NRG3: variants seen among roughly 807,000 people sequenced by gnomAD.
NRG3 encodes neuregulin 3.
Under a neutral mutation model 66.9 loss-of-function variants are expected in NRG3, and 31 were observed. That is an observed-to-expected ratio of 0.46 (90% CI 0.35 to 0.63). NRG3 has a LOEUF of 0.63. NRG3 is among the 20% of genes least tolerant of loss of function. NRG3 has a pLI of 0.00. For synonymous variants in NRG3, 393 were observed against 359.4 expected, an observed-to-expected ratio of 1.09 and a Z score of -1.06; for missense variants, 910 against 878.9, an observed-to-expected ratio of 1.04 and a Z score of -0.45.
rs180827214 is a variant in NRG3, at chr10:82,720,559, C to T, written c.954-18018C>T. On this transcript the variant is annotated intron_variant, in intron 2 of 8. Coordinates refer to ENST00000372141, the MANE Select transcript of NRG3 (RefSeq NM_001010848.4). ...ATGCTTTTCATGTGCCCTAGAACAC[C>T]GAGGTTGATTCAACTTCAATCTCTA... Among the ~76,000 whole-genome samples, 26 of 151,880 alleles carry T rather than the reference C, an allele frequency of 1.7e-4. No individual in the cohort carries two copies. In the East Asian group the frequency reaches 1.9e-3, roughly 11 times the overall value.
At chr10:82,021,392 G>C (rs1277239002) in intron 1 of NRG3, among the ~76,000 whole-genome samples, 2 of 152,038 alleles carry the variant, frequency 1.3e-5, no homozygotes, top group African/African-American at 4.8e-5. Flanking sequence ...CAAAAAGTGG[G>C]ATTTTTACAC....
intron 1 of NRG3, among the ~76,000 whole-genome samples, chr10:81,880,645 T>A (rs1421649697): frequency 6.6e-6 from 1 of 152,182 alleles, no homozygotes; most frequent in African/African-American, 2.4e-5. Context: ...AATTCTTTCC[T>A]CATAACCTCT....
intron 1 of NRG3, among the ~76,000 whole-genome samples, chr10:82,269,437 T>G (rs1856448977): frequency 6.6e-6 from 1 of 152,262 alleles, no homozygotes; most frequent in South Asian, 2.1e-4. Flanking sequence ...TAATGCACTA[T>G]GTGGTATACA....
At chr10:82,798,569 C>G (rs2060898382) in intron 3 of NRG3, among the ~76,000 whole-genome samples, 1 of 152,060 alleles carries the variant, frequency 6.6e-6, no homozygotes, top group South Asian at 2.1e-4. Flanking sequence ...ATTAAGTTTA[C>G]AAGGAAACAC....
chr10:81,884,698 A>G (rs1016619534), intron 1 of NRG3, among the ~76,000 whole-genome samples: 1 of 152,164 alleles, frequency 6.6e-6, no homozygotes, highest in African/African-American at 2.4e-5. Context: ...CATTTTATGT[A>G]AAAGACATGG....
intron 2 of NRG3, among the ~76,000 whole-genome samples, chr10:82,377,569 T>A (rs1218238299): frequency 6.6e-6 from 1 of 152,130 alleles, no homozygotes; most frequent in Non-Finnish European, 1.5e-5. Context: ...TCCTTCCAAA[T>A]TCAAAGCCAA....
chr10:82,921,615 A>G (rs1224205547), intron 4 of NRG3, among the ~76,000 whole-genome samples: 1 of 152,204 alleles, frequency 6.6e-6, no homozygotes, highest in African/African-American at 2.4e-5. Context: ...TTTAAACACT[A>G]CAAATAGAAT....
rs117088319 is a variant in NRG3, at chr10:82,060,862, C to T, written c.823+184699C>T. On this transcript the variant is annotated intron_variant, in intron 1 of 8. Coordinates refer to ENST00000372141, the MANE Select transcript of NRG3 (RefSeq NM_001010848.4). ...GAAGCCTGGACTGGGCTGGTTGGTG[C>T]GGTTCGCTCTTTCTGACTCTGGTTG... Among the ~76,000 whole-genome samples, 927 of 152,246 alleles carry T rather than the reference C, an allele frequency of 6.1e-3. 5 individuals are homozygous for T. The highest frequency in any genetic ancestry group is 0.012 in the Admixed American group (181 of 15,302).
At chr10:82,482,816 G>A (rs1842385351) in intron 2 of NRG3, among the ~76,000 whole-genome samples, 1 of 152,150 alleles carries the variant, frequency 6.6e-6, no homozygotes, top group African/African-American at 2.4e-5. Flanking sequence ...GAGGAAAATG[G>A]TAGTGAGTAG....
chr10:82,121,297 T>C (rs2068072494), intron 1 of NRG3, among the ~76,000 whole-genome samples: 1 of 152,098 alleles, frequency 6.6e-6, no homozygotes, highest in Non-Finnish European at 1.5e-5. Flanking sequence ...AAAGGAGTTG[T>C]ATGAGAGAGG....
At chr10:82,138,178 G>A (rs761342161) in intron 1 of NRG3, among the ~76,000 whole-genome samples, 7 of 152,048 alleles carry the variant, frequency 4.6e-5, no homozygotes, top group Admixed American at 2.6e-4. Context: ...GTGTATATGT[G>A]TGTGTGTGTT....
chr10:81,882,930 A>G (rs1192274828), intron 1 of NRG3, among the ~76,000 whole-genome samples: 1 of 152,178 alleles, frequency 6.6e-6, no homozygotes, highest in Non-Finnish European at 1.5e-5. Flanking sequence ...GTGTTTTTTA[A>G]AGCCTATTTC....
chr10:81,944,742 G>A (rs190531312), intron 1 of NRG3, among the ~76,000 whole-genome samples: 3 of 152,046 alleles, frequency 2.0e-5, no homozygotes, highest in Admixed American at 6.6e-5. Flanking sequence ...TTGAATTATA[G>A]GATGAATGAA....
intron 1 of NRG3, among the ~76,000 whole-genome samples, chr10:82,214,446 A>G (rs567935048): frequency 4.6e-5 from 7 of 152,208 alleles, no homozygotes; most frequent in East Asian, 1.9e-4. Context: ...ATCTTACTCC[A>G]TCATATCATC....
chr10:81,888,725 G>A lies in NRG3; in HGVS notation c.823+12562G>A, dbSNP rs867301793. Among the ~76,000 whole-genome samples the A allele has an allele frequency of 3.3e-5, 5 of 152,242 alleles. No homozygotes were observed. In the South Asian group the frequency reaches 6.2e-4, roughly 19 times the overall value. ...GACAGACGGCCTCACCTTTTCCTTG[G>A]AGCAGCGCCTGATTAAGGAGGGAGG... On this transcript the variant is annotated intron_variant, in intron 1 of 8. Transcript: ENST00000372141.
chr10:82,478,137 A>C (rs1564968625), intron 2 of NRG3, among the ~76,000 whole-genome samples: 1 of 152,196 alleles, frequency 6.6e-6, no homozygotes, highest in Non-Finnish European at 1.5e-5. Context: ...ATAGGGCACA[A>C]GAACCTCTGT....
intron 1 of NRG3, among the ~76,000 whole-genome samples, chr10:82,068,772 G>A (rs1309368907): frequency 2.6e-5 from 4 of 152,168 alleles, no homozygotes; most frequent in South Asian, 2.1e-4. Context: ...GGCCAAGCCA[G>A]GTCAAGCTGG....
rs189061842 is a variant in NRG3, at chr10:82,548,897, G to A, written c.954-189680G>A. On this transcript the variant is annotated intron_variant, in intron 2 of 8. Coordinates refer to ENST00000372141, the MANE Select transcript of NRG3 (RefSeq NM_001010848.4). ...GTCAGCACCAGAGAGCACAATCAGC[G>A]GACAATCATGCTTTGGGCCATTTAA... 6.8e-4 allele frequency among the ~76,000 whole-genome samples: 104 copies of A among 152,236 alleles called. 2 individuals are homozygous for A. The highest frequency in any genetic ancestry group is 6.1e-3 in the Admixed American group (93 of 15,274).
chr10:81,886,427 G>A (rs538709050), intron 1 of NRG3, among the ~76,000 whole-genome samples: 2 of 152,116 alleles, frequency 1.3e-5, no homozygotes, highest in Non-Finnish European at 2.9e-5. Flanking sequence ...ATAAACATAA[G>A]TCACTTTAAA....
Sources: allele counts gnomAD v4.1 joint callset (sites outside exome capture counted in the v4.1 genomes callset), GRCh38; gene constraint gnomAD v4.1.1; transcripts MANE v1.5; gene names NCBI Gene and HGNC (gene_info 2026-07-23, HGNC 2026-07-21).